Variants in MIR2052HG observed in about 807,000 individuals in gnomAD.
MIR2052HG encodes MIR2052 host gene.
At chr8:74,713,428 A>G (rs1178280050) in intron 4 of MIR2052HG, among the ~76,000 whole-genome samples, 1 of 152,136 alleles carries the variant, frequency 6.6e-6, no homozygotes, top group African/African-American at 2.4e-5. Flanking sequence ...TATTTTATTC[A>G]AAATCCGCAC....
At chr8:74,708,344 G>A (rs1170615810) in intron 4 of MIR2052HG, among the ~76,000 whole-genome samples, 1 of 152,108 alleles carries the variant, frequency 6.6e-6, no homozygotes, top group African/African-American at 2.4e-5. Flanking sequence ...AAATAGCGGG[G>A]CATTCCAGTC....
At chr8:74,655,529 C>A (rs762507776) in intron 2 of MIR2052HG, among the ~76,000 whole-genome samples, 3 of 152,190 alleles carry the variant, frequency 2.0e-5, no homozygotes, top group Non-Finnish European at 2.9e-5. Flanking sequence ...AGGATCCAAG[C>A]CCTAAACCTT....
At chr8:74,613,016 A>C (rs959388116) in intron 2 of MIR2052HG, 33 of 442,500 alleles carry the variant, frequency 7.5e-5, no homozygotes, top group Non-Finnish European at 1.3e-4. Context: ...TGTTTGAATC[A>C]GACAGTGAAA....
At chr8:74,702,666 G>C (rs533474930) in intron 3 of MIR2052HG, among the ~76,000 whole-genome samples, 7 of 152,170 alleles carry the variant, frequency 4.6e-5, no homozygotes, top group Admixed American at 2.0e-4. Context: ...CAAAACTTTG[G>C]GAGATATGTG....
At chr8:74,662,148 C>T (rs886497087) in intron 2 of MIR2052HG, among the ~76,000 whole-genome samples, 1 of 152,104 alleles carries the variant, frequency 6.6e-6, no homozygotes, top group Non-Finnish European at 1.5e-5. Flanking sequence ...AACAAGAGTT[C>T]CCTGAAAGCA....
intron 4 of MIR2052HG, among the ~76,000 whole-genome samples, chr8:74,738,634 T>C (rs753220290): frequency 8.5e-5 from 13 of 152,200 alleles, no homozygotes; most frequent in African/African-American, 1.7e-4. Context: ...TGGTGCTCAA[T>C]GGGCTTTGTT....
intron 2 of MIR2052HG, among the ~76,000 whole-genome samples, chr8:74,677,224 A>T (rs1406378067): frequency 6.6e-6 from 1 of 152,058 alleles, no homozygotes; most frequent in Non-Finnish European, 1.5e-5. Flanking sequence ...GAATAAGTTC[A>T]TAAACACATC....
chr8:74,729,394 A>AATAATAAATAAATAAATAAATAAT (rs1809668028), intron 4 of MIR2052HG, among the ~76,000 whole-genome samples: 1 of 152,174 alleles, frequency 6.6e-6, no homozygotes, highest in South Asian at 2.1e-4. Context: ...TGTAACATTA[A>AATAATAAATAAATAAATAAATAAT]CAATAAATAC....
At chr8:74,613,074 C>T (rs111538582) in intron 2 of MIR2052HG, 34 of 336,302 alleles carry the variant, frequency 1.0e-4, no homozygotes, top group African/African-American at 3.0e-4. Context: ...AGAGAGGCCA[C>T]GGCTACAGTT....
At chr8:74,648,087 C>A (rs929785592) in intron 2 of MIR2052HG, among the ~76,000 whole-genome samples, 1 of 152,108 alleles carries the variant, frequency 6.6e-6, no homozygotes, top group Non-Finnish European at 1.5e-5. Context: ...TGACTGCCTT[C>A]AGGTTTGGGC....
intron 2 of MIR2052HG, among the ~76,000 whole-genome samples, chr8:74,638,106 G>A (rs1163454422): frequency 6.6e-6 from 1 of 152,128 alleles, no homozygotes; most frequent in Non-Finnish European, 1.5e-5. Flanking sequence ...TCCTGAAGAA[G>A]TGATGTTTGA....
At chr8:74,650,905 A>G (rs1808744521) in intron 2 of MIR2052HG, among the ~76,000 whole-genome samples, 1 of 152,196 alleles carries the variant, frequency 6.6e-6, no homozygotes, top group Non-Finnish European at 1.5e-5. Flanking sequence ...TTCTTTTCAT[A>G]AAGTGAAATA....
intron 4 of MIR2052HG, among the ~76,000 whole-genome samples, chr8:74,728,787 T>C (rs1026447490): frequency 6.6e-6 from 1 of 152,182 alleles, no homozygotes; most frequent in African/African-American, 2.4e-5. Flanking sequence ...AAGTCAGAGT[T>C]AGTAGTTAAG....
intron 4 of MIR2052HG, among the ~76,000 whole-genome samples, chr8:74,747,643 A>G (rs1809900843): frequency 6.6e-6 from 1 of 152,200 alleles, no homozygotes; most frequent in South Asian, 2.1e-4. Context: ...AGAAGAAAAG[A>G]ACAGTCACAA....
intron 4 of MIR2052HG, among the ~76,000 whole-genome samples, chr8:74,736,578 T>G (rs1809746572): frequency 6.6e-6 from 1 of 152,208 alleles, no homozygotes; most frequent in Non-Finnish European, 1.5e-5. Flanking sequence ...TTGTGAAATG[T>G]GTACTTGAGT....
intron 1 of MIR2052HG, among the ~76,000 whole-genome samples, chr8:74,610,530 C>G (rs749544871): frequency 2.0e-5 from 3 of 151,596 alleles, no homozygotes; most frequent in Non-Finnish European, 4.4e-5. Context: ...ATGCCAACCA[C>G]TGAGAATAGC....
intron 1 of MIR2052HG, among the ~76,000 whole-genome samples, chr8:74,607,272 G>GA (rs979710506): frequency 6.6e-6 from 1 of 152,064 alleles, no homozygotes; most frequent in Non-Finnish European, 1.5e-5. Context: ...TTTTTTAGGG[G>GA]AAAATGATAT....
In MIR2052HG at chr8:74,678,477, C is replaced by T. The variant is rs548325781; in HGVS notation, n.217-23902C>T. ...ACTTGGGAGGCGGAGACAGGAGAAT[C>T]GCTTGAACTTGGGAGGTGGAGGTTG... On this transcript the variant is annotated intron_variant and non_coding_transcript_variant, in intron 2 of 6. Coordinates refer to ENST00000523442, the Ensembl canonical transcript of MIR2052HG. 2.3e-4 allele frequency among the ~76,000 whole-genome samples: 33 copies of T among 145,154 alleles called. No homozygotes were observed. In the East Asian group the frequency reaches 6.4e-3, roughly 28 times the overall value.
intron 2 of MIR2052HG, among the ~76,000 whole-genome samples, chr8:74,613,321 T>C (rs1364195170): frequency 6.6e-6 from 1 of 152,186 alleles, no homozygotes; most frequent in Admixed American, 6.5e-5. Flanking sequence ...TCAACTATAA[T>C]ATTCTTGATA....
Sources: gnomAD v4.1 joint callset for allele counts (sites outside exome capture counted in the v4.1 genomes callset) on GRCh38, gnomAD v4.1.1 for gene constraint, MANE v1.5 for transcripts, NCBI Gene and HGNC (gene_info 2026-07-23, HGNC 2026-07-21) for gene names.